XXYLT1: variants seen among roughly 807,000 people sequenced by gnomAD.
The protein encoded by XXYLT1 is UDP-xylose:alpha-xyloside alpha-1,3-xylosyltransferase.
In XXYLT1, 20 loss-of-function variants were observed where a neutral mutation model predicts 28.9. That is an observed-to-expected ratio of 0.69 (90% CI 0.49 to 1.00). The LOEUF is 1.00. Among genes scored for constraint, XXYLT1 ranks in the 50% least tolerant of loss-of-function variants. XXYLT1 has a pLI of 0.00. For synonymous variants in XXYLT1, 257 were observed against 253.8 expected, an observed-to-expected ratio of 1.01 and a Z score of -0.12; for missense variants, 542 against 560.1, an observed-to-expected ratio of 0.97 and a Z score of 0.33.
intron 2 of XXYLT1, among the ~76,000 whole-genome samples, chr3:195,221,687 C>A (rs1193450788): frequency 8.5e-5 from 13 of 152,206 alleles, no homozygotes; most frequent in Non-Finnish European, 1.5e-5. Context: ...GAGGGGGAAG[C>A]TGGCAGTCCT....
chr3:195,152,329 T>C (rs999916288), intron 3 of XXYLT1: 2 of 152,714 alleles, frequency 1.3e-5, no homozygotes, highest in East Asian at 1.9e-4. Flanking sequence ...TAGCTCCTGA[T>C]GAAGAGACAG....
At chr3:195,219,927 CA>C (rs975526366) in intron 2 of XXYLT1, among the ~76,000 whole-genome samples, 2 of 152,188 alleles carry the variant, frequency 1.3e-5, no homozygotes, top group African/African-American at 4.8e-5. Context: ...GGCTCGGGCC[CA>C]AATCCTACCT....
intron 2 of XXYLT1, chr3:195,175,642 C>T: frequency 2.0e-6 from 3 of 1,536,148 alleles, no homozygotes; most frequent in Non-Finnish European, 2.6e-6. Context: ...CGCACTCTGC[C>T]TTCCTGGATC....
chr3:195,088,298 G>C lies in XXYLT1; in HGVS notation c.786-18187C>G, dbSNP rs1364554917. 1.7e-4 allele frequency among the ~76,000 whole-genome samples: 25 copies of C among 150,336 alleles called. No individual in the cohort carries two copies. The South Asian group carries it at 5.4e-3, about 32-fold the overall frequency. ...TTAAAGGTCCCTGTCTGACAGCTTTGAAGAGAGCAGTGGTTCTCCCAGCAC... is the reference window on the plus strand; with the variant it reads ...TTAAAGGTCCCTGTCTGACAGCTTTCAAGAGAGCAGTGGTTCTCCCAGCAC... On this transcript the variant is annotated intron_variant, in intron 3 of 3. Transcript: ENST00000310380.
At chr3:195,094,321 C>T (rs1056848879) in intron 3 of XXYLT1, 1 of 153,884 alleles carries the variant, frequency 6.5e-6, no homozygotes, top group Non-Finnish European at 1.5e-5. Context: ...TGGCATCTTC[C>T]ACGCTTCCCT....
At position 195,139,952 on chromosome 3, in the gene XXYLT1, T is replaced by C. The variant is rs188089244; in HGVS notation, c.785+16497A>G. 1.7e-3 allele frequency among the ~76,000 whole-genome samples: 266 copies of C among 152,240 alleles called. 6 individuals are homozygous for C. The highest frequency in any genetic ancestry group is 3.1e-4 in the Non-Finnish European group (21 of 68,018). On this transcript the variant is annotated intron_variant, in intron 3 of 3. Coordinates refer to ENST00000310380, the MANE Select transcript of XXYLT1 (RefSeq NM_152531.5). ...CCCATCCAGGAGGCATAAGGCGACA[T>C]CTCCCGAGCCCTACGTGCTGGTCTA...
At chr3:195,106,956 C>T (rs753275133) in intron 3 of XXYLT1, among the ~76,000 whole-genome samples, 2 of 152,196 alleles carry the variant, frequency 1.3e-5, no homozygotes, top group Non-Finnish European at 2.9e-5. Flanking sequence ...ATCCCACAGA[C>T]GACAGATAAA....
intron 1 of XXYLT1, among the ~76,000 whole-genome samples, chr3:195,264,277 A>T (rs1320363508): frequency 2.6e-5 from 4 of 152,228 alleles, no homozygotes; most frequent in Non-Finnish European, 4.4e-5. Flanking sequence ...TGCCTTCTGG[A>T]GATTACCTTC....
chr3:195,103,428 C>T (rs1284507049), intron 3 of XXYLT1, among the ~76,000 whole-genome samples: 1 of 148,520 alleles, frequency 6.7e-6, no homozygotes, highest in Non-Finnish European at 1.5e-5. Context: ...CAGCGGCCTG[C>T]GTCCATCACC....
At chr3:195,270,277 G>A (rs1467959329) in intron 1 of XXYLT1, 2 of 652,212 alleles carry the variant, frequency 3.1e-6, no homozygotes, top group Non-Finnish European at 4.9e-6. Flanking sequence ...AAATGGGGGC[G>A]CGCGGACTCT....
At chr3:195,139,891 C>CA (rs1719396620) in intron 3 of XXYLT1, among the ~76,000 whole-genome samples, 1 of 152,214 alleles carries the variant, frequency 6.6e-6, no homozygotes, top group Non-Finnish European at 1.5e-5. Flanking sequence ...GGACCCCTCC[C>CA]AGCTTCTGGA....
At chr3:195,259,459 C>A in intron 1 of XXYLT1, 2 of 522,874 alleles carry the variant, frequency 3.8e-6, no homozygotes, top group Non-Finnish European at 4.9e-6. Context: ...AGATAAGAGC[C>A]CTGGATGGGA....
chr3:195,104,116 C>T lies in XXYLT1; in HGVS notation c.786-34005G>A, dbSNP rs180936272. On this transcript the variant is annotated intron_variant, in intron 3 of 3. Coordinates refer to ENST00000310380, the MANE Select transcript of XXYLT1 (RefSeq NM_152531.5). ...CAATGGGGAAAGGAAAATGGGAGGT[C>T]GGGCCCATGAAATCTACTGATGAGT... Among the ~76,000 whole-genome samples the T allele has an allele frequency of 6.6e-5, 10 of 151,926 alleles. No individual in the cohort carries two copies. The East Asian group carries it at 1.7e-3, about 27-fold the overall frequency.
chr3:195,099,147 AC>A (rs1217899660), intron 3 of XXYLT1, among the ~76,000 whole-genome samples: 6 of 152,160 alleles, frequency 3.9e-5, no homozygotes, highest in Non-Finnish European at 7.4e-5. Flanking sequence ...TTCTCAAACA[AC>A]CGCTTGCTGT....
At chr3:195,126,885 G>T (rs1351591427) in intron 3 of XXYLT1, among the ~76,000 whole-genome samples, 1 of 152,204 alleles carries the variant, frequency 6.6e-6, no homozygotes, top group Admixed American at 6.5e-5. Context: ...TTTCTTGCCT[G>T]GTTGCGATGC....
chr3:195,072,823 G>A (rs1379532851), intron 3 of XXYLT1, among the ~76,000 whole-genome samples: 2 of 152,218 alleles, frequency 1.3e-5, no homozygotes, highest in Admixed American at 6.5e-5. Flanking sequence ...TAAGGGAATG[G>A]TGGGTTTCTC....
intron 2 of XXYLT1, among the ~76,000 whole-genome samples, 177 bp from the exon 3 acceptor site, chr3:195,156,758 A>G (rs1315167142): frequency 6.6e-6 from 1 of 152,158 alleles, no homozygotes; most frequent in East Asian, 1.9e-4. Flanking sequence ...ACCCCTCCAC[A>G]CTATTAGTCT....
intron 3 of XXYLT1, among the ~76,000 whole-genome samples, chr3:195,121,355 G>T (rs1018438308): frequency 1.3e-5 from 2 of 152,200 alleles, no homozygotes; most frequent in African/African-American, 4.8e-5. Flanking sequence ...AGAAAGCCTT[G>T]GGTTGGTGCA....
chr3:195,130,910 C>T (rs55879118), intron 3 of XXYLT1, among the ~76,000 whole-genome samples: 42 of 151,910 alleles, frequency 2.8e-4, no homozygotes, highest in Non-Finnish European at 4.4e-4. Flanking sequence ...CCATACGCTC[C>T]GAAAAACAAG....
Sources: allele counts gnomAD v4.1 joint callset (sites outside exome capture counted in the v4.1 genomes callset), GRCh38; gene constraint gnomAD v4.1.1; transcripts MANE v1.5; gene names NCBI Gene and HGNC (gene_info 2026-07-23, HGNC 2026-07-21).